The following MALRD1 variants were observed in gnomAD, a reference collection of about 807,000 sequenced individuals.
MALRD1 encodes MAM and LDL receptor class A domain containing 1, also known as MAM and LDL-receptor class A domain-containing protein 1.
Under a neutral mutation model 242.1 loss-of-function variants are expected in MALRD1, and 247 were observed. The ratio of observed to expected loss-of-function variants is 1.02; its 90% CI spans 0.92 to 1.13. The LOEUF is 1.13. Ranked by LOEUF, MALRD1 falls within the 50% of genes most tolerant of loss-of-function variation. The probability of loss-of-function intolerance (pLI) is 0.00; values close to 1 mark genes in which losing one functional copy is unlikely to be tolerated. For synonymous variants in MALRD1, 995 were observed against 866.6 expected (o/e 1.15, Z -2.60); for missense variants, 2,989 against 2,533.1 (o/e 1.18, Z -3.86).
intron 32 of MALRD1, among the ~76,000 whole-genome samples, chr10:19,557,607 GCT>G (rs918453413): frequency 6.6e-6 from 1 of 151,900 alleles, no homozygotes; most frequent in Non-Finnish European, 1.5e-5. Context: ...CTGTTTCTGG[GCT>G]CTCTATTCTA....
chr10:19,519,055 T>C (rs1476856040), intron 31 of MALRD1, among the ~76,000 whole-genome samples: 6 of 152,208 alleles, frequency 3.9e-5, no homozygotes, highest in Non-Finnish European at 7.3e-5. Context: ...TTCTGTCTTT[T>C]CTTTGACTTG....
chr10:19,237,648 T>A (rs1838407373), intron 18 of MALRD1, among the ~76,000 whole-genome samples: 1 of 47,008 alleles, frequency 2.1e-5, no homozygotes, highest in African/African-American at 9.4e-5. Context: ...ATATAAATTA[T>A]TATAATTATA....
At chr10:19,406,145 T>C (rs1847094477) in intron 28 of MALRD1, among the ~76,000 whole-genome samples, 1 of 152,298 alleles carries the variant, frequency 6.6e-6, no homozygotes, top group East Asian at 1.9e-4. Context: ...CCAAATGCTA[T>C]ACCAGTGGAA....
chr10:19,171,723 T>TATATACGTATATATATGTGC (rs1834973294), intron 13 of MALRD1, among the ~76,000 whole-genome samples: 2 of 126,528 alleles, frequency 1.6e-5, no homozygotes, highest in Non-Finnish European at 3.5e-5. Flanking sequence ...TATATACACG[T>TATATACGTATATATATGTGC]ATATACGTAT....
chr10:19,195,658 G>C (rs923081949), intron 14 of MALRD1, among the ~76,000 whole-genome samples: 15 of 152,094 alleles, frequency 9.9e-5, no homozygotes, highest in African/African-American at 3.1e-4. Flanking sequence ...GTTGCTACAG[G>C]TAAAAACTTT....
chr10:19,238,493 TATATAATATAATATATA>T (rs1838559458), intron 18 of MALRD1, among the ~76,000 whole-genome samples: 1 of 8,590 alleles, frequency 1.2e-4, no homozygotes, highest in Non-Finnish European at 1.8e-4. Flanking sequence ...TTATATATAA[TATATAATATAATATATA>T]ATGTATATTA....
At chr10:19,330,832 C>G (rs1482761961) in intron 23 of MALRD1, among the ~76,000 whole-genome samples, 1 of 151,584 alleles carries the variant, frequency 6.6e-6, no homozygotes, top group Non-Finnish European at 1.5e-5. Context: ...AAATCAAAAT[C>G]ATTTCAATTC....
chr10:19,482,249 A>T (rs3852460), intron 29 of MALRD1, among the ~76,000 whole-genome samples: 1 of 151,884 alleles, frequency 6.6e-6, no homozygotes, highest in South Asian at 2.1e-4. Context: ...ACTAGGGGTT[A>T]ACTTTTGCTT....
At chr10:19,728,167 G>A (rs1417375341) in intron 38 of MALRD1, among the ~76,000 whole-genome samples, 1 of 152,096 alleles carries the variant, frequency 6.6e-6, no homozygotes, top group African/African-American at 2.4e-5. Context: ...AAGTAGGAAG[G>A]ATTTGCCATT....
chr10:19,286,423 G>A (rs1176128412), intron 21 of MALRD1, among the ~76,000 whole-genome samples: 10 of 151,778 alleles, frequency 6.6e-5, no homozygotes, highest in East Asian at 5.8e-4. Context: ...TTTGAAATAC[G>A]TCCCATCAAT....
At chr10:19,688,774 C>T (rs1842702465) in intron 36 of MALRD1, among the ~76,000 whole-genome samples, 1 of 152,152 alleles carries the variant, frequency 6.6e-6, no homozygotes, top group Non-Finnish European at 1.5e-5. Flanking sequence ...TCTCAGCGTG[C>T]CATTAGAAGG....
At chr10:19,388,987 T>C (rs940218627) in intron 27 of MALRD1, among the ~76,000 whole-genome samples, 1 of 151,902 alleles carries the variant, frequency 6.6e-6, no homozygotes, top group African/African-American at 2.4e-5. Flanking sequence ...GATATGTCAA[T>C]GTGCAAGAAC....
At chr10:19,255,724 G>A (rs182357486) in intron 18 of MALRD1, among the ~76,000 whole-genome samples, 2 of 152,156 alleles carry the variant, frequency 1.3e-5, no homozygotes, top group Non-Finnish European at 2.9e-5. Flanking sequence ...ATTAAATTAT[G>A]TATTAGAGCA....
chr10:19,616,875 T>C (rs1839180354), intron 36 of MALRD1, among the ~76,000 whole-genome samples: 1 of 152,058 alleles, frequency 6.6e-6, no homozygotes, highest in Non-Finnish European at 1.5e-5. Flanking sequence ...TGGAACTCTT[T>C]TCTCTTTCAA....
intron 34 of MALRD1, among the ~76,000 whole-genome samples, chr10:19,601,862 G>A (rs1433847108): frequency 1.3e-5 from 2 of 151,930 alleles, no homozygotes; most frequent in Non-Finnish European, 1.5e-5. Context: ...AAAATGTTAA[G>A]TTATATTGTT....
intron 20 of MALRD1, among the ~76,000 whole-genome samples, 190 bp downstream of exon 20, chr10:19,280,413 G>A (rs565130759): frequency 8.5e-5 from 13 of 152,220 alleles, no homozygotes; most frequent in East Asian, 5.8e-4. Context: ...GCCAGGCCCC[G>A]TAAGTGGTAA....
intron 21 of MALRD1, among the ~76,000 whole-genome samples, chr10:19,322,987 C>CT (rs1842964797): frequency 6.6e-6 from 1 of 151,992 alleles, no homozygotes; most frequent in African/African-American, 2.4e-5. Context: ...GTTTTATTCT[C>CT]TTTTTTGAAT....
chr10:19,194,806 C>T (rs1421385082), intron 14 of MALRD1, among the ~76,000 whole-genome samples: 9 of 152,176 alleles, frequency 5.9e-5, no homozygotes, highest in Admixed American at 5.9e-4. Context: ...TCCATTCAGG[C>T]TTTTTCCCCT....
chr10:19,395,136 G>A (rs1440057920), intron 28 of MALRD1, among the ~76,000 whole-genome samples: 1 of 152,094 alleles, frequency 6.6e-6, no homozygotes, highest in Non-Finnish European at 1.5e-5. Flanking sequence ...AGTGTACTTG[G>A]CCAAATAATT....
Sources: allele counts gnomAD v4.1 joint callset (sites outside exome capture counted in the v4.1 genomes callset), GRCh38; gene constraint gnomAD v4.1.1; transcripts MANE v1.5; gene names NCBI Gene and HGNC (gene_info 2026-07-23, HGNC 2026-07-21).